The following SCFD2 variants were observed in gnomAD, a reference collection of about 807,000 sequenced individuals.
SCFD2 encodes sec1 family domain-containing protein 2.
In SCFD2, 54 loss-of-function variants were observed where a neutral mutation model predicts 58.9. The observed-to-expected ratio is 0.92, with a 90% confidence interval of 0.74 to 1.15. The LOEUF (loss-of-function observed/expected upper bound fraction) is 1.15, where lower values mean the gene tolerates loss of function less well. Among genes scored for constraint, SCFD2 ranks in the 50% most tolerant of loss-of-function variants. The pLI is 0.00. For synonymous variants in SCFD2, 321 were observed against 335.9 expected (o/e 0.96, Z 0.49); for missense variants, 805 against 836.6 (o/e 0.96, Z 0.47).
intron 5 of SCFD2, among the ~76,000 whole-genome samples, chr4:53,079,470 G>A (rs1317384211): frequency 2.0e-5 from 3 of 152,190 alleles, no homozygotes; most frequent in Admixed American, 6.6e-5. Context: ...ATCACATGGA[G>A]TTAAGATGAA....
chr4:53,241,556 A>G (rs577609293), intron 4 of SCFD2, among the ~76,000 whole-genome samples: 1 of 152,294 alleles, frequency 6.6e-6, no homozygotes, highest in East Asian at 1.9e-4. Context: ...GAGCAGCCCC[A>G]TTGATATACA....
chr4:52,950,701 T>C (rs1720567974), intron 5 of SCFD2: 1 of 152,138 alleles, frequency 6.6e-6, no homozygotes, highest in Non-Finnish European at 1.5e-5. Context: ...AGAAGGCTTC[T>C]CTTGACCTAA....
chr4:53,126,362 T>G (rs73250935), intron 5 of SCFD2, among the ~76,000 whole-genome samples: 22,894 of 152,282 alleles, frequency 0.15, 2,216 homozygotes, highest in Admixed American at 0.24. Flanking sequence ...TCTTGCTCTC[T>G]GGAAGTGCAG....
chr4:53,180,962 T>G (rs568026703), intron 4 of SCFD2, among the ~76,000 whole-genome samples: 2 of 152,236 alleles, frequency 1.3e-5, no homozygotes, highest in East Asian at 3.9e-4. Context: ...AGGAAGAAGT[T>G]GAATCTCTGA....
At chr4:53,000,955 G>A (rs766881644) in intron 5 of SCFD2, among the ~76,000 whole-genome samples, 5 of 152,174 alleles carry the variant, frequency 3.3e-5, no homozygotes, top group Non-Finnish European at 7.4e-5. Flanking sequence ...GAAGGATCTA[G>A]CATTCTTCTA....
intron 5 of SCFD2, among the ~76,000 whole-genome samples, chr4:53,075,631 T>C (rs1484459050): frequency 1.3e-5 from 2 of 152,180 alleles, no homozygotes; most frequent in African/African-American, 4.8e-5. Flanking sequence ...TCAATATTAC[T>C]GTGTCCCATG....
chr4:53,089,819 C>T (rs946337516), intron 5 of SCFD2, among the ~76,000 whole-genome samples: 5 of 152,110 alleles, frequency 3.3e-5, no homozygotes, highest in African/African-American at 1.2e-4. Context: ...TACATCTGGA[C>T]TAAATGCTAA....
At chr4:53,131,824 T>C (rs1323345657) in intron 5 of SCFD2, among the ~76,000 whole-genome samples, 1 of 152,230 alleles carries the variant, frequency 6.6e-6, no homozygotes, top group East Asian at 1.9e-4. Context: ...GTTCCATGCA[T>C]TCCATCTCTT....
intron 2 of SCFD2, among the ~76,000 whole-genome samples, chr4:53,333,591 A>C (rs2149135752): frequency 6.6e-6 from 1 of 151,462 alleles, no homozygotes; most frequent in Middle Eastern, 3.4e-3. Context: ...CCTTATACAA[A>C]AATTAATTCA....
At chr4:53,278,573 T>G (rs535101693) in intron 3 of SCFD2, among the ~76,000 whole-genome samples, 30 of 151,950 alleles carry the variant, frequency 2.0e-4, no homozygotes, top group Admixed American at 1.8e-3. Context: ...CAGCATTTCC[T>G]AGCTGAGACC....
At chr4:53,137,220 G>A (rs1367302850) in intron 5 of SCFD2, among the ~76,000 whole-genome samples, 4 of 152,138 alleles carry the variant, frequency 2.6e-5, no homozygotes, top group Admixed American at 2.6e-4. Context: ...TCTGAGTGGG[G>A]CTTTCAAGAA....
chr4:53,347,961 G>A (rs1243625564), intron 2 of SCFD2, among the ~76,000 whole-genome samples: 2 of 152,196 alleles, frequency 1.3e-5, no homozygotes, highest in Non-Finnish European at 2.9e-5. Context: ...GTTATTTAAG[G>A]ACCTAAAAAT....
chr4:53,237,958 ACC>A (rs1266317068), intron 4 of SCFD2, among the ~76,000 whole-genome samples: 1 of 76,926 alleles, frequency 1.3e-5, no homozygotes, highest in Non-Finnish European at 2.6e-5. Context: ...CGAGGGGCTG[ACC>A]CCCCCACCTC....
chr4:53,153,228 C>T (rs1184596309), intron 4 of SCFD2, among the ~76,000 whole-genome samples: 1 of 152,220 alleles, frequency 6.6e-6, no homozygotes, highest in Non-Finnish European at 1.5e-5. Context: ...TCTGCAGGGG[C>T]TCCACCTCTT....
chr4:53,226,317 C>T (rs1488331097), intron 4 of SCFD2, among the ~76,000 whole-genome samples: 1 of 151,898 alleles, frequency 6.6e-6, no homozygotes, highest in African/African-American at 2.4e-5. Context: ...GGGGAGGGGA[C>T]TAATTGCTGA....
intron 5 of SCFD2, among the ~76,000 whole-genome samples, chr4:53,057,629 T>C (rs780589082): frequency 1.2e-4 from 19 of 152,056 alleles, no homozygotes; most frequent in East Asian, 1.9e-4. Context: ...CATATACCTA[T>C]GTAACAACCC....
intron 5 of SCFD2, among the ~76,000 whole-genome samples, chr4:52,975,989 C>T (rs952150853): frequency 1.6e-5 from 2 of 128,570 alleles, no homozygotes; most frequent in African/African-American, 3.1e-5. Flanking sequence ...CACATGGACA[C>T]AGGAAGCGGA....
At chr4:53,072,643 C>G (rs1288979266) in intron 5 of SCFD2, among the ~76,000 whole-genome samples, 1 of 151,992 alleles carries the variant, frequency 6.6e-6, no homozygotes, top group Admixed American at 6.6e-5. Flanking sequence ...GTTTTTTGTG[C>G]CCTATGCAAA....
At chr4:53,025,262 T>C (rs1163406972) in intron 5 of SCFD2, among the ~76,000 whole-genome samples, 1 of 152,210 alleles carries the variant, frequency 6.6e-6, no homozygotes, top group Non-Finnish European at 1.5e-5. Flanking sequence ...AAAATATCTT[T>C]ATTTCCAAGT....
Sources: gnomAD v4.1 joint callset for allele counts (sites outside exome capture counted in the v4.1 genomes callset) on GRCh38, gnomAD v4.1.1 for gene constraint, MANE v1.5 for transcripts, NCBI Gene and HGNC (gene_info 2026-07-23, HGNC 2026-07-21) for gene names.